TMC5: variants seen among roughly 807,000 people sequenced by gnomAD.
TMC5 encodes the protein transmembrane channel like 5, also known as transmembrane channel-like protein 5.
Under a neutral mutation model 110.5 loss-of-function variants are expected in TMC5, and 86 were observed. That is an observed-to-expected ratio of 0.78 (90% CI 0.65 to 0.93). The LOEUF is 0.93. TMC5 is among the 40% of genes least tolerant of loss of function. The pLI is 0.00. For missense variants in TMC5, 1,144 were observed against 1,222.8 expected (o/e 0.94, Z 0.96); for synonymous variants, 455 against 439.5 (o/e 1.04, Z -0.44).
chr16:19,417,236 C>A, upstream of TMC5, among the ~76,000 whole-genome samples: 1 of 151,374 alleles, frequency 6.6e-6, no homozygotes, highest in South Asian at 2.1e-4. Flanking sequence ...CTGGGCAACA[C>A]GACAGAACCC....
chr16:19,468,739 C>T (rs796317516), intron 9 of TMC5, among the ~76,000 whole-genome samples: 5 of 152,288 alleles, frequency 3.3e-5, no homozygotes, highest in African/African-American at 1.2e-4. Flanking sequence ...AGGACACCCT[C>T]TAGAAGCTGG....
At position 19,440,562 on chromosome 16, in the gene TMC5, C is replaced by T. The variant is rs377531984; in HGVS notation, c.524C>T (p.Pro175Leu). 1.2e-5 allele frequency: 19 copies of T among 1,614,122 alleles called. No homozygotes were observed. In the African/African-American group the frequency reaches 2.3e-4, roughly 19 times the overall value. ...GAQSNSDHPG[P>L]RANLNHPGSR... ...CAGAGCAACTCTGATCATCCTGGAC[C>T]CAGAGCCAATTTGAACCATCCAGGA... is the stretch of plus-strand genomic sequence containing the variant. Residue 175 changes from proline (P) to leucine (L), a missense_variant, in exon 3 of 22, where the codon CCC becomes CTC. Physicochemically the swap from Pro to Leu is moderately conservative, Grantham distance 98. Coordinates refer to ENST00000542583, the MANE Select transcript of TMC5 (RefSeq NM_001261841.2).
chr16:19,459,099 A>G (rs1703482278), intron 5 of TMC5, among the ~76,000 whole-genome samples: 1 of 149,928 alleles, frequency 6.7e-6, no homozygotes, highest in Admixed American at 6.7e-5. Context: ...CTCAGCACAC[A>G]CCTCTCAGAG....
chr16:19,465,979 G>A, intron 8 of TMC5, 103 bp from the exon 9 acceptor site: 1 of 1,273,228 alleles, frequency 7.9e-7, no homozygotes, highest in Non-Finnish European at 1.1e-6. Flanking sequence ...AAACTGACTG[G>A]CCCAGGCTTC....
At chr16:19,466,356 T>C (rs1400426096) in intron 9 of TMC5, 123 bp downstream of exon 9, 2 of 1,014,134 alleles carry the variant, frequency 2.0e-6, no homozygotes, top group Admixed American at 2.6e-5. Context: ...TCTCCTCTCT[T>C]TTCTTTTCTT....
At chr16:19,497,196 T>C in intron 21 of TMC5, 33 bp downstream of exon 21, 2 of 1,596,374 alleles carry the variant, frequency 1.3e-6, no homozygotes, top group Non-Finnish European at 8.6e-7. Context: ...AATAAGACAC[T>C]AATTTATTTC....
In TMC5 at chr16:19,440,702, G is replaced by A. The variant is rs746212735; in HGVS notation, c.664G>A (p.Glu222Lys). 3.0e-5 allele frequency: 48 copies of A among 1,613,996 alleles called. No homozygotes were observed. In the South Asian group the frequency reaches 4.1e-4, roughly 14 times the overall value. Residue 222 changes from glutamate (E) to lysine (K), a missense_variant, in exon 3 of 22, where the codon GAG becomes AAG. Transcript: ENST00000542583. Reference sequence around the variant, plus strand: ...ACCTAACTCTCCACCCTTTTTTGGGGAGCCAGACTATCCCAGTGCTGAGGA... The same window carrying A: ...ACCTAACTCTCCACCCTTTTTTGGGAAGCCAGACTATCCCAGTGCTGAGGA... ...IQPNSPPFFG[E>K]PDYPSAEDNQ...
chr16:19,457,709 C>CT (rs573979829), intron 5 of TMC5, among the ~76,000 whole-genome samples: 486 of 43,858 alleles, frequency 0.011, 125 homozygotes, highest in South Asian at 0.026. Flanking sequence ...AGACTACATT[C>CT]TTTTTTTTTT....
chr16:19,480,052 A>G (rs1968580275), intron 14 of TMC5, among the ~76,000 whole-genome samples: 1 of 152,146 alleles, frequency 6.6e-6, no homozygotes, highest in Non-Finnish European at 1.5e-5. Context: ...AGATTTTTCT[A>G]TGCACACATT....
intron 10 of TMC5, among the ~76,000 whole-genome samples, chr16:19,471,611 CA>C (rs531776867): frequency 1.3e-5 from 2 of 152,178 alleles, no homozygotes; most frequent in Non-Finnish European, 2.9e-5. Context: ...AATCCATGTT[CA>C]TCATGAATGT....
intron 5 of TMC5, among the ~76,000 whole-genome samples, chr16:19,451,864 T>A (rs1567307980): frequency 6.6e-6 from 1 of 152,238 alleles, no homozygotes; most frequent in Non-Finnish European, 1.5e-5. Context: ...AGTGGCACCA[T>A]CTCAGCTCAC....
At chr16:19,464,082 G>A (rs1173336888) in intron 8 of TMC5, 58 bp downstream of exon 8, 12 of 1,571,094 alleles carry the variant, frequency 7.6e-6, no homozygotes, top group Middle Eastern at 2.0e-4. Flanking sequence ...ACCCAGGGAC[G>A]TGCCTTGCCG....
At chr16:19,454,599 C>T (rs1040243501) in intron 5 of TMC5, among the ~76,000 whole-genome samples, 1 of 152,158 alleles carries the variant, frequency 6.6e-6, no homozygotes, top group African/African-American at 2.4e-5. Flanking sequence ...GGTATCATTA[C>T]TGTTAATTAT....
At chr16:19,475,713 A>G (rs1968470859) in intron 12 of TMC5, among the ~76,000 whole-genome samples, 1 of 151,866 alleles carries the variant, frequency 6.6e-6, no homozygotes, top group African/African-American at 2.4e-5. Context: ...TTCTTCAAAC[A>G]TCACCCTCGT....
In TMC5 at chr16:19,466,238, G is replaced by T; in HGVS notation, c.1637+5G>T. Reference sequence around the variant, plus strand: ...CTTCTTCAGTTTGCTGTTCAGGTATGGAAGCATCTACATTTCCTGATTCTG... The same window carrying T: ...CTTCTTCAGTTTGCTGTTCAGGTATTGAAGCATCTACATTTCCTGATTCTG... On this transcript the variant is annotated splice_donor_5th_base_variant and intron_variant, in intron 9 of 21. Coordinates refer to ENST00000542583, the MANE Select transcript of TMC5 (RefSeq NM_001261841.2). 1 of 1,613,220 alleles carries T rather than the reference G, an allele frequency of 6.2e-7. No individual in the cohort carries two copies. The highest frequency in any genetic ancestry group is 2.2e-5 in the East Asian group (1 of 44,876).
intron 13 of TMC5, among the ~76,000 whole-genome samples, chr16:19,479,187 A>G (rs1361677788): frequency 1.3e-5 from 2 of 152,196 alleles, no homozygotes; most frequent in African/African-American, 4.8e-5. Context: ...GAACAGGGAA[A>G]GTTTGGGTAT....
chr16:19,495,515 G>T (rs1419525736), intron 20 of TMC5, among the ~76,000 whole-genome samples: 1 of 152,060 alleles, frequency 6.6e-6, no homozygotes, highest in Non-Finnish European at 1.5e-5. Context: ...GGATATTTGG[G>T]TTGTTTCTAT....
chr16:19,430,921 C>T (rs911764873), intron 2 of TMC5, among the ~76,000 whole-genome samples: 13 of 147,256 alleles, frequency 8.8e-5, no homozygotes, highest in Non-Finnish European at 1.5e-4. Context: ...TGCAGTGGCA[C>T]GGTCTCAGCT....
chr16:19,490,950 T>C, intron 18 of TMC5, among the ~76,000 whole-genome samples: 1 of 109,064 alleles, frequency 9.2e-6, no homozygotes. Context: ...TTCCCTTCCT[T>C]TCCCCTTCCC....
Sources: allele counts gnomAD v4.1 joint callset (sites outside exome capture counted in the v4.1 genomes callset), GRCh38; gene constraint gnomAD v4.1.1; transcripts MANE v1.5; gene names NCBI Gene and HGNC (gene_info 2026-07-23, HGNC 2026-07-21).